The following BLZF1 variants were observed in gnomAD, a reference collection of about 807,000 sequenced individuals.
The protein encoded by BLZF1 is golgin-45.
In BLZF1, 39 loss-of-function variants were observed where a neutral mutation model predicts 43.8. The observed-to-expected ratio is 0.89, with a 90% CI of 0.69 to 1.16. BLZF1 has a LOEUF of 1.16. Among genes scored for constraint, BLZF1 ranks in the 50% most tolerant of loss-of-function variants. The pLI is 0.00. For synonymous variants in BLZF1, 136 were observed against 159.4 expected (o/e 0.85, Z 1.11); for missense variants, 449 against 469.8 (o/e 0.96, Z 0.41).
chr1:169,395,310 A>G (rs1654954185), intron 7 of BLZF1: 1 of 1,010,348 alleles, frequency 9.9e-7, no homozygotes, highest in Non-Finnish European at 1.4e-6. Flanking sequence ...TTTCTTTACA[A>G]TGAAATACTG....
intron 6 of BLZF1, among the ~76,000 whole-genome samples, chr1:169,385,578 T>A (rs1654642756): frequency 6.6e-6 from 1 of 152,250 alleles, no homozygotes; most frequent in Non-Finnish European, 1.5e-5. Context: ...ATCTTTATAG[T>A]ATTTGAGAAC....
chr1:169,368,576 C>T (rs1571429695), intron 1 of BLZF1, among the ~76,000 whole-genome samples: 2 of 152,224 alleles, frequency 1.3e-5, no homozygotes, highest in Non-Finnish European at 2.9e-5. Context: ...TCTTCACCCC[C>T]TCCGCTTCAT....
chr1:169,377,111 C>T, intron 3 of BLZF1, 132 bp downstream of exon 3: 7 of 765,982 alleles, frequency 9.1e-6, no homozygotes, highest in Non-Finnish European at 1.5e-5. Context: ...TAAAATGCTT[C>T]CTCTTAAATT....
rs115391337 is a variant in BLZF1 at position 169,376,556 on chromosome 1, C to T, written c.45C>T (p.Ser15=). 602 of 1,599,888 alleles carry T rather than the reference C, an allele frequency of 3.8e-4. 5 individuals are homozygous for T. The African/African-American group carries it at 7.0e-3, about 18-fold the overall frequency. The part of the protein sequence containing the change: ...NLETKVTVTS[S]PIRGAGDGME... ...TTTTGTTAGTCACCGTTACTTCATC[C>T]CCAATCCGAGGAGCAGGAGATGGAA... The change falls in exon 3 of 7, where the codon TCC becomes TCT. Residue 15 remains serine (S), a synonymous_variant. Transcript: ENST00000367808.
chr1:169,376,040 C>A (rs531043923), intron 2 of BLZF1, among the ~76,000 whole-genome samples: 1 of 151,970 alleles, frequency 6.6e-6, no homozygotes, highest in Non-Finnish European at 1.5e-5. Context: ...ATAAATTTTT[C>A]GGTGTAACAT....
At chr1:169,380,373 T>C in intron 4 of BLZF1, 108 bp from the exon 5 acceptor site, 8 of 1,114,536 alleles carry the variant, frequency 7.2e-6, no homozygotes. Context: ...AACTATACTG[T>C]TAAATCTTTG....
At chr1:169,383,350 G>A (rs1045962583) in intron 6 of BLZF1, among the ~76,000 whole-genome samples, 1 of 152,114 alleles carries the variant, frequency 6.6e-6, no homozygotes, top group Non-Finnish European at 1.5e-5. Context: ...ACCCTCAACA[G>A]TTATTCCTTC....
intron 2 of BLZF1, among the ~76,000 whole-genome samples, chr1:169,375,747 G>T (rs1045413479): frequency 6.6e-6 from 1 of 151,172 alleles, no homozygotes; most frequent in South Asian, 2.1e-4. Flanking sequence ...CTGTGTGCTC[G>T]TCTTTTGTCC....
intron 7 of BLZF1, among the ~76,000 whole-genome samples, chr1:169,394,495 C>T (rs1378129346): frequency 6.6e-6 from 1 of 151,984 alleles, no homozygotes; most frequent in Non-Finnish European, 1.5e-5. Context: ...CCCAGGAGTC[C>T]CCAGTGTCTA....
rs1203895552 is a variant in BLZF1, at chr1:169,376,754, A to G, written c.243A>G (p.Ile81Met). 1 of 1,613,242 alleles carries G rather than the reference A, an allele frequency of 6.2e-7. No homozygotes were observed. The highest frequency in any genetic ancestry group is 1.3e-5 in the African/African-American group (1 of 74,890). ...EKAMEVKAVR[I>M]LVPKAAITHD... ...CAATGGAAGTTAAAGCTGTAAGAAT[A>G]TTAGTTCCCAAAGCTGCTATAACTC... is the stretch of plus-strand genomic sequence containing the variant. Residue 81 changes from isoleucine (I) to methionine (M), a missense_variant, in exon 3 of 7, where the codon ATA (isoleucine) becomes ATG (methionine). Transcript: ENST00000367808.
rs143882259 is a variant in BLZF1 at position 169,376,813 on chromosome 1, C to G, written c.302C>G (p.Ser101Cys). The change falls in exon 3 of 7, where the codon TCT becomes TGT. Residue 101 changes from serine to cysteine, a missense_variant. Physicochemically the swap from Ser to Cys is moderately radical, Grantham distance 112. Coordinates refer to ENST00000367808, the MANE Select transcript of BLZF1 (RefSeq NM_001320973.2). ...CCCAACAAAAATACAAAGGTTAAGTCTCTGGGACATCATAAAGGAGAATTC... is the reference window on the plus strand; with the variant it reads ...CCCAACAAAAATACAAAGGTTAAGTGTCTGGGACATCATAAAGGAGAATTC... ...DIPNKNTKVK[S>C]LGHHKGEFLG... 1.8e-3 allele frequency: 2,941 copies of G among 1,613,348 alleles called. 4 individuals carry two copies. The highest frequency in any genetic ancestry group is 2.3e-3 in the Non-Finnish European group (2,729 of 1,179,552).
Position 169,380,514 on chromosome 1 carries a change from A to G in BLZF1, c.702A>G (p.Ala234=). 1 of 1,612,454 alleles carries G rather than the reference A, an allele frequency of 6.2e-7. No homozygotes were observed. Among genetic ancestry groups the G allele is most frequent in the African/African-American group, 1.3e-5 (1 of 74,966 alleles). The part of the protein sequence containing the change: ...VMADELTNSR[A]ALQRQNRDAH... ...CAGATGAGTTAACCAACTCAAGAGC[A>G]GCTTTACAGCGTCAAAACCGTGATG... The change falls in exon 5 of 7, where the codon GCA becomes GCG. Residue 234 remains alanine (A), a synonymous_variant. Coordinates refer to ENST00000367808, the MANE Select transcript of BLZF1 (RefSeq NM_001320973.2).
At chr1:169,390,914 C>T (rs940063607), downstream of BLZF1, among the ~76,000 whole-genome samples, 7 of 152,186 alleles carry the variant, frequency 4.6e-5, no homozygotes, top group African/African-American at 1.7e-4. Flanking sequence ...TGCACACATA[C>T]ATTTACATAT....
chr1:169,373,357 A>G (rs766751399), intron 2 of BLZF1, among the ~76,000 whole-genome samples: 1 of 152,208 alleles, frequency 6.6e-6, no homozygotes, highest in Non-Finnish European at 1.5e-5. Flanking sequence ...AGCGTTACTC[A>G]TAATTATGGA....
chr1:169,373,057 C>T (rs1465744335), intron 2 of BLZF1, among the ~76,000 whole-genome samples: 1 of 151,950 alleles, frequency 6.6e-6, no homozygotes, highest in Non-Finnish European at 1.5e-5. Context: ...TACATGGTAT[C>T]CTCAATTTTA....
intron 2 of BLZF1, 96 bp downstream of exon 2, chr1:169,369,646 G>T: frequency 1.2e-6 from 1 of 845,148 alleles, no homozygotes; most frequent in Admixed American, 2.5e-5. Flanking sequence ...GGACCCCCTT[G>T]GGAATCATTT....
rs556527443 is a variant in BLZF1, at chr1:169,387,420, A to G, written c.*238A>G. On this transcript the variant is annotated 3_prime_UTR_variant, in exon 7 of 7. Coordinates refer to ENST00000367808, the MANE Select transcript of BLZF1 (RefSeq NM_001320973.2). ...TAAAATAGAGAATACTTTCCAAGCA[A>G]TACATGATACTTTTCCTAAAAGACT... 23 of 330,898 alleles carry G rather than the reference A, an allele frequency of 7.0e-5. No individual in the cohort carries two copies. The Admixed American group carries it at 9.2e-4, about 13-fold the overall frequency. The allele number at this position is 330,898 out of a possible 1,614,324, so 20.5% of individuals were successfully genotyped here. A position where few individuals can be genotyped will look rare whatever the true frequency, so the allele number is the denominator to read the frequency against.
chr1:169,393,175 T>G (rs774028128), downstream of BLZF1, among the ~76,000 whole-genome samples: 4 of 152,068 alleles, frequency 2.6e-5, no homozygotes, highest in Non-Finnish European at 5.9e-5. Flanking sequence ...TGCTTGGTCT[T>G]GGGGAAAACA....
intron 4 of BLZF1, among the ~76,000 whole-genome samples, chr1:169,379,461 G>A (rs1368287932): frequency 6.6e-6 from 1 of 151,878 alleles, no homozygotes; most frequent in Non-Finnish European, 1.5e-5. Flanking sequence ...AGTTAATTGA[G>A]TTAATTCTCA....
Sources: gnomAD v4.1 joint callset for allele counts (sites outside exome capture counted in the v4.1 genomes callset) on GRCh38, gnomAD v4.1.1 for gene constraint, MANE v1.5 for transcripts, NCBI Gene and HGNC (gene_info 2026-07-23, HGNC 2026-07-21) for gene names.